The following PLAGL1 variants were observed in gnomAD, a reference collection of about 807,000 sequenced individuals.
The protein encoded by PLAGL1 is zinc finger protein PLAGL1.
Under a neutral mutation model 4.6 loss-of-function variants are expected in PLAGL1, and 1 was observed. The observed-to-expected ratio is 0.22, with a 90% CI of 0.08 to 1.03. The LOEUF is 1.03. PLAGL1 is among the 50% of genes least tolerant of loss of function. PLAGL1 has a pLI of 0.58. For synonymous variants in PLAGL1, 240 were observed against 237.8 expected (o/e 1.01, Z -0.08); for missense variants, 464 against 570.4 (o/e 0.81, Z 1.90).
chr6:143,953,589 C>T lies in PLAGL1; in HGVS notation c.-324-5129G>A, dbSNP rs1781496871. On this transcript the variant is annotated intron_variant, in intron 6 of 7. Transcript: ENST00000674357. This position sits in a 1 kb window ranked among gnomAD's most constrained non-coding sequence, Gnocchi z 5.3. ...GTAATATTTGGTTAAAGATGGCCAA[C>T]TGAATAAAAGCATGTAGCTCCAGTC... is the stretch of plus-strand genomic sequence containing the variant. Among the ~76,000 whole-genome samples, 1 of 152,160 alleles carries T rather than the reference C, an allele frequency of 6.6e-6. No homozygotes were observed.
At chr6:144,045,875 C>T (rs908467966) in intron 1 of PLAGL1, among the ~76,000 whole-genome samples, 2 of 152,198 alleles carry the variant, frequency 1.3e-5, no homozygotes, top group East Asian at 3.8e-4. Context: ...TTCTTGGAGG[C>T]TTTGTTCATT....
chr6:143,944,274 T>A (rs1779276037), intron 7 of PLAGL1, among the ~76,000 whole-genome samples: 1 of 152,204 alleles, frequency 6.6e-6, no homozygotes, highest in Non-Finnish European at 1.5e-5. Context: ...TACTGTTTAT[T>A]CCTGCCCCTT....
At position 143,952,585 on chromosome 6, in the gene PLAGL1, A is replaced by G. The variant is rs2128533124; in HGVS notation, c.-324-4125T>C. On this transcript the variant is annotated intron_variant, in intron 6 of 7. Coordinates refer to ENST00000674357, the MANE Select transcript of PLAGL1 (RefSeq NM_001317162.2). This position sits in a 1 kb window ranked among gnomAD's most constrained non-coding sequence, Gnocchi z 6.1. ...ATCAGACGGGAAGAAGAACATATAT[A>G]TATGGTAACAGCCAGGAAAGACTGT... Among the ~76,000 whole-genome samples, 1 of 152,288 alleles carries G rather than the reference A, an allele frequency of 6.6e-6. No individual in the cohort carries two copies. Among genetic ancestry groups the G allele is most frequent in the South Asian group, 2.1e-4 (1 of 4,822 alleles).
chr6:144,048,517 G>T lies in PLAGL1; in HGVS notation c.-151+15951C>A, dbSNP rs148325632. On this transcript the variant is annotated intron_variant, in intron 1 of 3. Coordinates refer to the PLAGL1 transcript ENST00000437412. The surrounding 1 kb of genome is among the most constrained non-coding windows in gnomAD (Gnocchi z 4.8). ...CCAAACCTTGATTCTTGACTTCTGT[G>T]CACCCTCAGACCCAACACTATATGG... Among the ~76,000 whole-genome samples, 1 of 152,312 alleles carries T rather than the reference G, an allele frequency of 6.6e-6. No individual in the cohort carries two copies. The highest frequency in any genetic ancestry group is 1.5e-5 in the Non-Finnish European group (1 of 68,028).
Position 143,941,646 on chromosome 6 carries a change from G to T in PLAGL1, c.1170C>A (p.Pro390=), listed in dbSNP as rs17847331. The T allele has an allele frequency of 1.9e-3, 3,090 of 1,614,166 alleles. 66 individuals are homozygous for T. In the East Asian group the frequency reaches 0.052, roughly 27 times the overall value. ...LSPLLGFWQL[P]PPATQNTFGN... ...CAAAGGTATTTTGGGTAGCAGGAGG[G>T]GGCAGCTGCCAGAAGCCCAACAGGG... The change falls in exon 8 of 8, where the codon CCC becomes CCA. Residue 390 remains proline (P), a synonymous_variant. Coordinates refer to ENST00000674357, the MANE Select transcript of PLAGL1 (RefSeq NM_001317162.2). The surrounding 1 kb of genome is among the most constrained non-coding windows in gnomAD (Gnocchi z 6.0).
intron 1 of PLAGL1, among the ~76,000 whole-genome samples, chr6:144,032,870 G>T (rs1177130839): frequency 6.6e-6 from 1 of 152,146 alleles, no homozygotes; most frequent in Non-Finnish European, 1.5e-5. Flanking sequence ...AGCATTCTTT[G>T]GTTGCTACTA....
upstream of PLAGL1, among the ~76,000 whole-genome samples, chr6:144,011,539 T>A (rs1583692375): frequency 6.6e-6 from 1 of 152,320 alleles, no homozygotes; most frequent in East Asian, 1.9e-4. This position sits in a 1 kb window ranked among gnomAD's most constrained non-coding sequence, Gnocchi z 4.3. Context: ...CTAGATCAAT[T>A]TTTCCCCCCA....
intron 1 of PLAGL1, among the ~76,000 whole-genome samples, chr6:144,047,025 G>A (rs139069266): frequency 9.5e-4 from 144 of 152,326 alleles, no homozygotes; most frequent in African/African-American, 3.4e-3. Flanking sequence ...ATGATCTCCT[G>A]GTGTGCCGTT....
rs1168843033 is a variant in PLAGL1, at chr6:143,957,293, G to T, written c.-325+3176C>A. ...TATTTATGAATGAAGACTCTCAGGA[G>T]TCTGGTGGGGGGGTGAGGGGTGGAG... On this transcript the variant is annotated intron_variant, in intron 6 of 7. Coordinates refer to ENST00000674357, the MANE Select transcript of PLAGL1 (RefSeq NM_001317162.2). This position sits in a 1 kb window ranked among gnomAD's most constrained non-coding sequence, Gnocchi z 4.2. 9.4e-6 allele frequency among the ~76,000 whole-genome samples: 1 copy of T among 106,176 alleles called. No individual in the cohort carries two copies. Among genetic ancestry groups the T allele is most frequent in the Non-Finnish European group, 2.4e-5 (1 of 42,300 alleles). The allele number at this position is 106,176 out of a possible 152,430, so 69.7% of individuals were successfully genotyped here.
chr6:144,010,880 G>A (rs1795127037), upstream of PLAGL1, among the ~76,000 whole-genome samples: 1 of 152,208 alleles, frequency 6.6e-6, no homozygotes, highest in African/African-American at 2.4e-5. This position sits in a 1 kb window ranked among gnomAD's most constrained non-coding sequence, Gnocchi z 4.1. Context: ...AATAAATGGT[G>A]TTGGGAAAAA....
At chr6:143,977,464 C>T (rs912175152) in intron 2 of PLAGL1, among the ~76,000 whole-genome samples, 38 of 98,072 alleles carry the variant, frequency 3.9e-4, no homozygotes, top group African/African-American at 4.8e-4. Context: ...TTTTCTTCTT[C>T]TTCTTCTTTT....
At chr6:144,037,865 A>G (rs1411933644) in intron 1 of PLAGL1, among the ~76,000 whole-genome samples, 3 of 152,244 alleles carry the variant, frequency 2.0e-5, no homozygotes, top group Non-Finnish European at 4.4e-5. Flanking sequence ...CGTACTCTTG[A>G]GACTTAGTAC....
rs989157563 is a variant in PLAGL1 at position 144,036,842 on chromosome 6, T to C, written c.-151+27626A>G. 1 of 309,302 alleles carries C rather than the reference T, an allele frequency of 3.2e-6. No homozygotes were observed. The highest frequency in any genetic ancestry group is 6.2e-6 in the Non-Finnish European group (1 of 160,510). 19.2% of individuals were successfully genotyped at this position (309,302 alleles called of 1,614,324 possible). On this transcript the variant is annotated intron_variant, in intron 1 of 3. Coordinates refer to the PLAGL1 transcript ENST00000437412. This position sits in a 1 kb window ranked among gnomAD's most constrained non-coding sequence, Gnocchi z 5.1. ...TAAACAGGTTTGAAATACTCTGGCA[T>C]AAAATGAAGGCCATCCCCTAATGGT...
At chr6:144,009,757 G>C (rs1198178524), upstream of PLAGL1, among the ~76,000 whole-genome samples, 1 of 151,468 alleles carries the variant, frequency 6.6e-6, no homozygotes, top group Non-Finnish European at 1.5e-5. Context: ...TTATGAATGA[G>C]AACATGCGGT....
At chr6:143,946,045 C>CG (rs3216584) in intron 7 of PLAGL1, among the ~76,000 whole-genome samples, 43,866 of 152,032 alleles carry the variant, frequency 0.29, 7,019 homozygotes, top group Non-Finnish European at 0.36. Context: ...TCGGAACATG[C>CG]GGGGTACTGA....
Position 143,955,551 on chromosome 6 carries a change from G to C in PLAGL1, c.-325+4918C>G, listed in dbSNP as rs1202271441. Among the ~76,000 whole-genome samples, 1 of 152,142 alleles carries C rather than the reference G, an allele frequency of 6.6e-6. No homozygotes were observed. Among genetic ancestry groups the C allele is most frequent in the Non-Finnish European group, 1.5e-5 (1 of 68,028 alleles). Reference sequence around the variant, plus strand: ...ATGCCAATAAAATGCTGTGAGGAATGGGAAGAGGCAGTGGGGAAAGCCTCA... The same window carrying C: ...ATGCCAATAAAATGCTGTGAGGAATCGGAAGAGGCAGTGGGGAAAGCCTCA... On this transcript the variant is annotated intron_variant, in intron 6 of 7. Transcript: ENST00000674357. The surrounding 1 kb of genome is among the most constrained non-coding windows in gnomAD (Gnocchi z 4.9).
rs1030914772 is a variant in PLAGL1, at chr6:143,963,871, T to A, written c.-399+916A>T. On this transcript the variant is annotated intron_variant, in intron 5 of 7. Transcript: ENST00000674357. This position sits in a 1 kb window ranked among gnomAD's most constrained non-coding sequence, Gnocchi z 6.1. ...AATTTTACTTTGTTTGAATTCCCAA[T>A]GATTCTCCTTTCTAGCTCATTTAAA... Among the ~76,000 whole-genome samples the A allele has an allele frequency of 6.6e-6, 1 of 152,232 alleles. No individual in the cohort carries two copies. Among genetic ancestry groups the A allele is most frequent in the Non-Finnish European group, 1.5e-5 (1 of 68,028 alleles).
At position 144,064,493 on chromosome 6, in the gene PLAGL1, A is replaced by C. The variant is rs1799684782; in HGVS notation, c.-176T>G. On this transcript the variant is annotated 5_prime_UTR_variant, in exon 1 of 4. Coordinates refer to the PLAGL1 transcript ENST00000437412. The surrounding 1 kb of genome is among the most constrained non-coding windows in gnomAD (Gnocchi z 6.8). ...CCGCCGCCAAGTTTCCCCCGCTTGG[A>C]AAGTTCTGGAGTCCGGAGCCCGTGG... The C allele has an allele frequency of 6.6e-6, 1 of 152,282 alleles. No homozygotes were observed. Among genetic ancestry groups the C allele is most frequent in the South Asian group, 2.1e-4 (1 of 4,834 alleles). 9.4% of individuals were successfully genotyped at this position (152,282 alleles called of 1,614,324 possible). A position where few individuals can be genotyped will look rare whatever the true frequency, so the allele number is the denominator to read the frequency against.
intron 1 of PLAGL1, among the ~76,000 whole-genome samples, chr6:144,028,202 TA>T (rs1796517276): frequency 6.6e-6 from 1 of 152,234 alleles, no homozygotes; most frequent in Non-Finnish European, 1.5e-5. Context: ...TGTCTAAAAT[TA>T]ACTATTACTC....
Sources: gnomAD v4.1 joint callset for allele counts (sites outside exome capture counted in the v4.1 genomes callset) on GRCh38, gnomAD v4.1.1 for gene constraint, Gnocchi (gnomAD v3.1) non-coding constraint, MANE v1.5 for transcripts, NCBI Gene and HGNC (gene_info 2026-07-23, HGNC 2026-07-21) for gene names.